The following MLLT6 variants were observed in gnomAD, a reference collection of about 807,000 sequenced individuals.
MLLT6 encodes MLLT6, PHD finger containing.
In MLLT6, 22 loss-of-function variants were observed where a neutral mutation model predicts 103.0. That is an observed-to-expected ratio of 0.21 (90% CI 0.15 to 0.31). The LOEUF (loss-of-function observed/expected upper bound fraction) is 0.31. Among genes scored for constraint, MLLT6 ranks in the 10% least tolerant of loss-of-function variants. The pLI, the probability that MLLT6 is intolerant of heterozygous loss-of-function variation, is 1.00. For missense variants in MLLT6, 1,199 were observed against 1,441.7 expected, an observed-to-expected ratio of 0.83 and a Z score of 2.73; for synonymous variants, 606 against 623.5, an observed-to-expected ratio of 0.97 and a Z score of 0.42.
Position 38,711,962 on chromosome 17 carries a change from C to T in MLLT6, c.668C>T (p.Pro223Leu). 2 of 1,609,274 alleles carry T rather than the reference C, an allele frequency of 1.2e-6. No homozygotes were observed. Among genetic ancestry groups the T allele is most frequent in the Non-Finnish European group, 1.7e-6 (2 of 1,177,308 alleles). ...GGGAGGAGAAGCCGGTCAGCCTCAC[C>T]ATCCACGCAGCAGGAGAAGCACCCC... ...ISGRRSRSAS[P>L]STQQEKHPTH... is the part of the protein sequence containing the mutation. Residue 223 changes from proline (P) to leucine (L), a missense_variant, in exon 7 of 20, where the codon CCA becomes CTA. Transcript: ENST00000621332.
chr17:38,711,289 A>G (rs1052117630), intron 6 of MLLT6, among the ~76,000 whole-genome samples: 6 of 152,038 alleles, frequency 3.9e-5, no homozygotes, highest in African/African-American at 1.5e-4. Context: ...GTTGATGTTT[A>G]ACTTCCCCCC....
At position 38,724,907 on chromosome 17, in the gene MLLT6, C is replaced by T; in HGVS notation, c.3171C>T (p.Leu1057=). 1.3e-6 allele frequency: 2 copies of T among 1,553,986 alleles called. No homozygotes were observed. Among genetic ancestry groups the T allele is most frequent in the Non-Finnish European group, 1.7e-6 (2 of 1,148,686 alleles). The change falls in exon 19 of 20, where the codon CTC becomes CTT. Residue 1057 remains leucine (L), a synonymous_variant. Transcript: ENST00000621332. This position sits in a 1 kb window ranked among gnomAD's most constrained non-coding sequence, Gnocchi z 5.4. ...CAGCAGCAGGCGGACCTCCAGTCCT[C>T]ACTGCCCAGACCAACCCCTTCCTCA... ...AVAAAGGPPV[L]TAQTNPFLSL...
At chr17:38,710,011 G>C (rs1426495534) in intron 6 of MLLT6, among the ~76,000 whole-genome samples, 2 of 152,224 alleles carry the variant, frequency 1.3e-5, no homozygotes, top group Non-Finnish European at 2.9e-5. Flanking sequence ...TTTTACAGAT[G>C]AGTAAACTAA....
Position 38,707,473 on chromosome 17 carries a change from C to CT in MLLT6, c.190-11dup, listed in dbSNP as rs1904980561. The CT allele has an allele frequency of 1.9e-6, 3 of 1,614,074 alleles. No individual in the cohort carries two copies. Among genetic ancestry groups the CT allele is most frequent in the Non-Finnish European group, 2.5e-6 (3 of 1,179,956 alleles). On this transcript the variant is annotated splice_polypyrimidine_tract_variant and intron_variant, in intron 2 of 19. Coordinates refer to ENST00000621332, the MANE Select transcript of MLLT6 (RefSeq NM_005937.4). ...GCAGATCCCCCAACCCCTGTGCACT[C>CT]TTGCATTGGCAGAGGTGTGAGCTGT...
In MLLT6 at chr17:38,716,892, G is replaced by C. The variant is rs1377070589; in HGVS notation, c.1562G>C (p.Ser521Thr). Residue 521 changes from serine (S) to threonine (T), a missense_variant, in exon 10 of 20, where the codon AGC (serine) becomes ACC (threonine). Coordinates refer to ENST00000621332, the MANE Select transcript of MLLT6 (RefSeq NM_005937.4). The surrounding 1 kb of genome is among the most constrained non-coding windows in gnomAD (Gnocchi z 5.6). ...ASPFSGGSLV[S>T]SGLGGLSSRT... ...CCCTTCTCTGGAGGTTCCCTGGTCA[G>C]CTCCGGCCTGGGAGGTCTGTCCTCC... 1.2e-6 allele frequency: 2 copies of C among 1,613,752 alleles called. No individual in the cohort carries two copies. The highest frequency in any genetic ancestry group is 1.7e-6 in the Non-Finnish European group (2 of 1,179,854).
In MLLT6 at chr17:38,724,857, G is replaced by A. The variant is rs764826701; in HGVS notation, c.3121G>A (p.Ala1041Thr). 3.8e-6 allele frequency: 6 copies of A among 1,571,284 alleles called. No homozygotes were observed. The highest frequency in any genetic ancestry group is 2.4e-5 in the East Asian group (1 of 42,148). Reference protein sequence around the residue: ...SLGNNTSLMAAAAAAAAVAAA... With the variant: ...SLGNNTSLMATAAAAAAVAAA... ...TGGCAACAACACAAGTCTCATGGCC[G>A]CAGCAGCTGCAGCTGCAGCAGTAGC... The change falls in exon 19 of 20, where the codon GCA becomes ACA. Residue 1041 changes from alanine to threonine, a missense_variant. By Grantham distance (58) the Ala-to-Thr change is moderately conservative. Transcript: ENST00000621332. The surrounding 1 kb of genome is among the most constrained non-coding windows in gnomAD (Gnocchi z 5.4).
At position 38,729,594 on chromosome 17, in the gene MLLT6, C is replaced by G; in HGVS notation, c.*3996C>G. On this transcript the variant is annotated 3_prime_UTR_variant, in exon 20 of 20. Coordinates refer to ENST00000621332, the MANE Select transcript of MLLT6 (RefSeq NM_005937.4). ...GGAGGGGAAGCCACAGATTGCAAAC[C>G]CAGGGGCTCCTTTTTCATTCTTTCT... 4.3e-6 allele frequency: 1 copy of G among 232,430 alleles called. No individual in the cohort carries two copies. The highest frequency in any genetic ancestry group is 6.1e-5 in the East Asian group (1 of 16,452). 14.4% of individuals were successfully genotyped at this position (232,430 alleles called of 1,614,324 possible). A position where few individuals can be genotyped will look rare whatever the true frequency, so the allele number is the denominator to read the frequency against.
chr17:38,709,371 C>T lies in MLLT6; in HGVS notation c.458+95C>T, dbSNP rs767172009. On this transcript the variant is annotated intron_variant, in intron 5 of 19. Transcript: ENST00000621332. The surrounding 1 kb of genome is among the most constrained non-coding windows in gnomAD (Gnocchi z 4.3). The stretch of plus-strand genomic sequence containing the variant: ...GCTGCTGTCCCTTTGATGGTGGTGG[C>T]AATGCTTTGGATGGTCTTGGCTTCG... The T allele has an allele frequency of 1.4e-6, 2 of 1,401,990 alleles. No individual in the cohort carries two copies. Among genetic ancestry groups the T allele is most frequent in the Admixed American group, 1.7e-5 (1 of 59,668 alleles). The allele number at this position is 1,401,990 out of a possible 1,614,324, so 86.8% of individuals were successfully genotyped here.
chr17:38,725,305 G>C, intron 19 of MLLT6: 1 of 543,250 alleles, frequency 1.8e-6, no homozygotes. Context: ...ATGTCAGAAA[G>C]GCCCTCTCCC....
At position 38,705,377 on chromosome 17, in the gene MLLT6, T is replaced by C. The variant is rs950860973; in HGVS notation, c.-256T>C. Among the ~76,000 whole-genome samples, 3 of 141,010 alleles carry C rather than the reference T, an allele frequency of 2.1e-5. No individual in the cohort carries two copies. The highest frequency in any genetic ancestry group is 4.8e-5 in the Non-Finnish European group (3 of 62,914). 92.5% of individuals were successfully genotyped at this position (141,010 alleles called of 152,430 possible). ...GGGCGAGCCCGGCGTGCGAGTCTCA[T>C]TGTTGTGGGGGGGGCCCGTCGGGGC... On this transcript the variant is annotated 5_prime_UTR_variant, in exon 1 of 20. Transcript: ENST00000621332.
chr17:38,712,446 T>C (rs764897301), intron 7 of MLLT6, among the ~76,000 whole-genome samples: 3 of 152,162 alleles, frequency 2.0e-5, no homozygotes, highest in Non-Finnish European at 4.4e-5. Context: ...TGGTGCTCTA[T>C]AGCACTGGCG....
intron 3 of MLLT6, 65 bp downstream of exon 3, chr17:38,707,605 G>A: frequency 6.5e-7 from 1 of 1,540,398 alleles, no homozygotes; most frequent in Non-Finnish European, 9.0e-7. Flanking sequence ...AGGCAGGAAT[G>A]GACTGAGTTG....
In MLLT6 at chr17:38,721,869, C is replaced by T; in HGVS notation, c.2443-9C>T. On this transcript the variant is annotated splice_polypyrimidine_tract_variant and intron_variant, in intron 16 of 19. Coordinates refer to ENST00000621332, the MANE Select transcript of MLLT6 (RefSeq NM_005937.4). ...CCCTCTGACCCCTCCCTTCCCCCTC[C>T]CTCCCCAGGACCCACACTCAGGCTG... The T allele has an allele frequency of 1.3e-6, 2 of 1,551,202 alleles. No homozygotes were observed. The highest frequency in any genetic ancestry group is 1.7e-6 in the Non-Finnish European group (2 of 1,153,170).
intron 8 of MLLT6, 33 bp from the exon 9 acceptor site, chr17:38,715,579 T>C (rs754048738): frequency 6.3e-7 from 1 of 1,583,146 alleles, no homozygotes; most frequent in South Asian, 1.2e-5. Flanking sequence ...CCCAGGCACC[T>C]GGTGTTGAAC....
At chr17:38,707,113 C>A (rs774853075) in intron 2 of MLLT6, 84 bp downstream of exon 2, 1 of 1,220,406 alleles carries the variant, frequency 8.2e-7, no homozygotes, top group Non-Finnish European at 1.2e-6. Context: ...ACTCTGAGGC[C>A]GAGGCTAGGG....
At chr17:38,713,865 C>T (rs1406514612) in intron 8 of MLLT6, 1 of 152,348 alleles carries the variant, frequency 6.6e-6, no homozygotes, top group Non-Finnish European at 1.5e-5. Context: ...AGAACTCCAG[C>T]TGTTGAAAAG....
Position 38,709,289 on chromosome 17 carries a change from TCCCA to T in MLLT6, c.458+17_458+20del. 1 of 1,607,908 alleles carries T rather than the reference TCCCA, an allele frequency of 6.2e-7. No homozygotes were observed. The highest frequency in any genetic ancestry group is 8.5e-7 in the Non-Finnish European group (1 of 1,174,344). On this transcript the variant is annotated intron_variant, in intron 5 of 19. Transcript: ENST00000621332. This position sits in a 1 kb window ranked among gnomAD's most constrained non-coding sequence, Gnocchi z 4.3. The stretch of plus-strand genomic sequence containing the variant: ...TCCACGTCACCTGGTGAGACCCCTG[TCCCA>T]CCCCCCTGCCCCCCGGGTTTGTCCT...
chr17:38,717,347 T>A (rs534492043), intron 10 of MLLT6, 85 bp from the exon 11 acceptor site: 2 of 1,113,656 alleles, frequency 1.8e-6, no homozygotes, highest in East Asian at 2.4e-5. Context: ...GCACTCGAGC[T>A]GGGGAGGGGC....
intron 3 of MLLT6, 58 bp from the exon 4 acceptor site, chr17:38,707,704 TA>T: frequency 1.6e-6 from 2 of 1,252,064 alleles, no homozygotes; most frequent in Non-Finnish European, 2.3e-6. Context: ...CGTGGGGTCA[TA>T]AGGGGTGGAG....
Sources: gnomAD v4.1 joint callset for allele counts (sites outside exome capture counted in the v4.1 genomes callset) on GRCh38, gnomAD v4.1.1 for gene constraint, Gnocchi (gnomAD v3.1) non-coding constraint, MANE v1.5 for transcripts, NCBI Gene and HGNC (gene_info 2026-07-23, HGNC 2026-07-21) for gene names.